B3GNT8: variants seen among roughly 807,000 people sequenced by gnomAD.
B3GNT8 encodes the protein N-acetyllactosaminide beta-1,3-N-acetylglucosaminyltransferase 8.
For missense variants in B3GNT8, 502 were observed against 530.5 expected (o/e 0.95, Z 0.53); for synonymous variants, 258 against 238.3 (o/e 1.08, Z -0.76).
chr19:41,425,990 C>T lies in B3GNT8; in HGVS notation c.789G>A (p.Leu263=), dbSNP rs771625185. The change falls in exon 2 of 2, where the codon CTG becomes CTA. Residue 263 remains leucine (L), a synonymous_variant. Transcript: ENST00000691102. ...AGAGGCTTCGGGCCGAGGCAGGTGG[C>T]AGGGCCCGCAGGTGAGCCAGCAGGG... ...TPALLAHLRA[L]PPASARSLYL... is the part of the protein sequence containing the mutation. The T allele has an allele frequency of 6.2e-7, 1 of 1,611,942 alleles. No homozygotes were observed. Among genetic ancestry groups the T allele is most frequent in the Non-Finnish European group, 8.5e-7 (1 of 1,178,800 alleles).
Position 41,426,942 on chromosome 19 carries a change from T to C in B3GNT8, c.-32-132A>G. 1.4e-6 allele frequency: 1 copy of C among 730,044 alleles called. No homozygotes were observed. The highest frequency in any genetic ancestry group is 2.3e-6 in the Non-Finnish European group (1 of 441,668). 45.2% of individuals were successfully genotyped at this position (730,044 alleles called of 1,614,324 possible). The stretch of plus-strand genomic sequence containing the variant: ...GTCCCCGCCAACCCCCATAACAGAT[T>C]CTCTCGGTCCCAGATCCTAAACAGC... On this transcript the variant is annotated intron_variant, in intron 1 of 1. Coordinates refer to ENST00000691102, the MANE Select transcript of B3GNT8 (RefSeq NM_001385648.2). This position sits in a 1 kb window ranked among gnomAD's most constrained non-coding sequence, Gnocchi z 4.9.
Position 41,425,530 on chromosome 19 carries a change from G to C in B3GNT8, c.*55C>G, listed in dbSNP as rs894079058. On this transcript the variant is annotated 3_prime_UTR_variant, in exon 2 of 2. Coordinates refer to ENST00000691102, the MANE Select transcript of B3GNT8 (RefSeq NM_001385648.2). ...GACCTGGAAGGAGGGGCTGAGCCAG[G>C]GGCCGGCCCCAGAGGCCCAGGCCAG... 16 of 1,372,810 alleles carry C rather than the reference G, an allele frequency of 1.2e-5. No individual in the cohort carries two copies. Among genetic ancestry groups the C allele is most frequent in the Non-Finnish European group, 1.4e-5 (15 of 1,045,308 alleles). The allele number at this position is 1,372,810 out of a possible 1,614,324, so 85.0% of individuals were successfully genotyped here. A position where few individuals can be genotyped will look rare whatever the true frequency, so the allele number is the denominator to read the frequency against.
At position 41,425,570 on chromosome 19, in the gene B3GNT8, C is replaced by G; in HGVS notation, c.*15G>C. 6.7e-7 allele frequency: 1 copy of G among 1,483,690 alleles called. No individual in the cohort carries two copies. The highest frequency in any genetic ancestry group is 9.0e-7 in the Non-Finnish European group (1 of 1,115,478). 91.9% of individuals were successfully genotyped at this position (1,483,690 alleles called of 1,614,324 possible). A position where few individuals can be genotyped will look rare whatever the true frequency, so the allele number is the denominator to read the frequency against. On this transcript the variant is annotated 3_prime_UTR_variant, in exon 2 of 2. Coordinates refer to ENST00000691102, the MANE Select transcript of B3GNT8 (RefSeq NM_001385648.2). ...GCCCAGGCCAGGTCAGCACCTCCGC[C>G]CTCCCCAATGAGAGTCAGCACTGGA... is the stretch of plus-strand genomic sequence containing the variant.
chr19:41,426,906 A>T lies in B3GNT8; in HGVS notation c.-32-96T>A. The T allele has an allele frequency of 1.1e-6, 1 of 927,624 alleles. No individual in the cohort carries two copies. The highest frequency in any genetic ancestry group is 3.2e-4 in the Middle Eastern group (1 of 3,154). 57.5% of individuals were successfully genotyped at this position (927,624 alleles called of 1,614,324 possible). A position where few individuals can be genotyped will look rare whatever the true frequency, so the allele number is the denominator to read the frequency against. ...CCAGGCCCCAGGCAGACAGCTTCAC[A>T]ATCTCCCATAGTCCCCGCCAACCCC... On this transcript the variant is annotated intron_variant, in intron 1 of 1. Coordinates refer to ENST00000691102, the MANE Select transcript of B3GNT8 (RefSeq NM_001385648.2). This position sits in a 1 kb window ranked among gnomAD's most constrained non-coding sequence, Gnocchi z 4.9.
At position 41,425,612 on chromosome 19, in the gene B3GNT8, T is replaced by C. The variant is rs1440176026; in HGVS notation, c.1167A>G (p.Gln389=). The stretch of plus-strand genomic sequence containing the variant: ...AGCACTGGAGCCTTGGGTCTTGCAG[T>C]TGTTTCCAGAGCCGAATGCTGGCCT... The part of the protein sequence containing the change: ...GPQASIRLWK[Q]LQDPRLQC The change falls in exon 2 of 2, where the codon CAA becomes CAG. Residue 389 remains glutamine (Q), a synonymous_variant. Transcript: ENST00000691102. 2.6e-6 allele frequency: 4 copies of C among 1,511,738 alleles called. No homozygotes were observed. Among genetic ancestry groups the C allele is most frequent in the Non-Finnish European group, 3.5e-6 (4 of 1,130,638 alleles). The allele number at this position is 1,511,738 out of a possible 1,614,324, so 93.6% of individuals were successfully genotyped here.
At chr19:41,428,242 G>C (rs1459092712), upstream of B3GNT8, among the ~76,000 whole-genome samples, 1 of 152,002 alleles carries the variant, frequency 6.6e-6, no homozygotes, top group Non-Finnish European at 1.5e-5. This position sits in a 1 kb window ranked among gnomAD's most constrained non-coding sequence, Gnocchi z 6.1. Flanking sequence ...AGAGGGTGAC[G>C]GGGTGGGGCC....
At position 41,425,549 on chromosome 19, in the gene B3GNT8, A is replaced by AGGCCAGGGCCGG. The variant is rs61117695; in HGVS notation, c.*35_*36insCCGGCCCTGGCC. 881,518 of 1,401,448 alleles carry AGGCCAGGGCCGG rather than the reference A, an allele frequency of 0.63. 281,829 individuals carry two copies. The highest frequency in any genetic ancestry group is 0.83 in the African/African-American group (56,159 of 68,068). 86.8% of individuals were successfully genotyped at this position (1,401,448 alleles called of 1,614,324 possible). ...AGCCAGGGGCCGGCCCCAGAGGCCC[A>AGGCCAGGGCCGG]GGCCAGGTCAGCACCTCCGCCCTCC... On this transcript the variant is annotated 3_prime_UTR_variant, in exon 2 of 2. Transcript: ENST00000691102.
At position 41,426,613 on chromosome 19, in the gene B3GNT8, C is replaced by T. The variant is rs2039439701; in HGVS notation, c.166G>A (p.Ala56Thr). 1 of 1,611,694 alleles carries T rather than the reference C, an allele frequency of 6.2e-7. No homozygotes were observed. The change falls in exon 2 of 2, where the codon GCC (alanine) becomes ACC (threonine). Residue 56 changes from alanine (A) to threonine (T), a missense_variant. Physicochemically the swap from Ala to Thr is moderately conservative, Grantham distance 58. Transcript: ENST00000691102. This position sits in a 1 kb window ranked among gnomAD's most constrained non-coding sequence, Gnocchi z 4.9. ...TGGCCCAGGCGGGTGGAGAGGTTGG[C>T]AGGTAGGGTGGGCTCAGGGTTGGCT... ...TPANPEPTLP[A>T]NLSTRLGQTI...
rs146403205 is a variant in B3GNT8, at chr19:41,425,679, C to G, written c.1100G>C (p.Cys367Ser). ...TACCAGCAGCAGGTTGCGGAAAGCA[C>G]AGTGGTCCGCAGTGCGGTCTGCTGG... ...AWPADRTADH[C>S]AFRNLLLVRP... The change falls in exon 2 of 2, where the codon TGT (cysteine) becomes TCT (serine). Residue 367 changes from cysteine to serine, a missense_variant. Cys to Ser is a moderately radical substitution (Grantham distance 112). Coordinates refer to ENST00000691102, the MANE Select transcript of B3GNT8 (RefSeq NM_001385648.2). 32 of 1,539,278 alleles carry G rather than the reference C, an allele frequency of 2.1e-5. No individual in the cohort carries two copies. Among genetic ancestry groups the G allele is most frequent in the Non-Finnish European group, 2.7e-5 (31 of 1,144,820 alleles).
chr19:41,427,733 C>T (rs992597777), upstream of B3GNT8, among the ~76,000 whole-genome samples: 12 of 151,914 alleles, frequency 7.9e-5, no homozygotes, highest in African/African-American at 2.9e-4. This position sits in a 1 kb window ranked among gnomAD's most constrained non-coding sequence, Gnocchi z 5.6. Context: ...CCCACTGAGG[C>T]AGAGATGGGG....
In B3GNT8 at chr19:41,426,541, G is replaced by A; in HGVS notation, c.238C>T (p.Leu80=). ...FAYWNQQQWR[L]GSLPSGDSTE... ...CTGTCCCCACTGGGCAGGGACCCCA[G>A]CCGCCACTGCTGCTGGTTCCAGTAA... The change falls in exon 2 of 2, where the codon CTG becomes TTG. Residue 80 remains leucine (L), a synonymous_variant. Transcript: ENST00000691102. This position sits in a 1 kb window ranked among gnomAD's most constrained non-coding sequence, Gnocchi z 4.9. 1.3e-6 allele frequency: 2 copies of A among 1,591,620 alleles called. No homozygotes were observed. The highest frequency in any genetic ancestry group is 1.7e-4 in the Middle Eastern group (1 of 5,956).
At position 41,425,365 on chromosome 19, in the gene B3GNT8, TG is replaced by T; in HGVS notation, c.*219del. On this transcript the variant is annotated 3_prime_UTR_variant, in exon 2 of 2. Transcript: ENST00000691102. The stretch of plus-strand genomic sequence containing the variant: ...GCAAAAACAACCCCAGGCCTCAGAG[TG>T]GGGAGTGCATGTTTTTCAAAAACAA... 1 of 357,554 alleles carries T rather than the reference TG, an allele frequency of 2.8e-6. No homozygotes were observed. Among genetic ancestry groups the T allele is most frequent in the African/African-American group, 2.1e-5 (1 of 47,384 alleles). The allele number at this position is 357,554 out of a possible 1,614,324, so 22.1% of individuals were successfully genotyped here.
In B3GNT8 at chr19:41,425,560, G is replaced by A; in HGVS notation, c.*25C>T. ...GGCCCCAGAGGCCCAGGCCAGGTCA[G>A]CACCTCCGCCCTCCCCAATGAGAGT... On this transcript the variant is annotated 3_prime_UTR_variant, in exon 2 of 2. Coordinates refer to ENST00000691102, the MANE Select transcript of B3GNT8 (RefSeq NM_001385648.2). The A allele has an allele frequency of 2.0e-6, 3 of 1,470,282 alleles. No individual in the cohort carries two copies. In the South Asian group the frequency reaches 4.6e-5, roughly 23 times the overall value. 91.1% of individuals were successfully genotyped at this position (1,470,282 alleles called of 1,614,324 possible). A position where few individuals can be genotyped will look rare whatever the true frequency, so the allele number is the denominator to read the frequency against.
chr19:41,425,505 G>C lies in B3GNT8; in HGVS notation c.*80C>G. On this transcript the variant is annotated 3_prime_UTR_variant, in exon 2 of 2. Coordinates refer to ENST00000691102, the MANE Select transcript of B3GNT8 (RefSeq NM_001385648.2). ...TCTGGGCCCTCCTCCCTCCCATCAA[G>C]ACCTGGAAGGAGGGGCTGAGCCAGG... 2.5e-6 allele frequency: 3 copies of C among 1,201,748 alleles called. No individual in the cohort carries two copies. Among genetic ancestry groups the C allele is most frequent in the Non-Finnish European group, 3.3e-6 (3 of 902,304 alleles). The allele number at this position is 1,201,748 out of a possible 1,614,324, so 74.4% of individuals were successfully genotyped here. A position where few individuals can be genotyped will look rare whatever the true frequency, so the allele number is the denominator to read the frequency against.
Position 41,426,264 on chromosome 19 carries a change from C to G in B3GNT8, c.515G>C (p.Gly172Ala). ...AERQAVRETW[G>A]SPAPGIRLLF... ...CAGCCGGATCCCTGGAGCTGGACTG[C>G]CCCACGTCTCTCTCACGGCCTGTCG... The change falls in exon 2 of 2, where the codon GGC becomes GCC. Residue 172 changes from glycine to alanine, a missense_variant. By Grantham distance (60) the Gly-to-Ala change is moderately conservative. Transcript: ENST00000691102. This position sits in a 1 kb window ranked among gnomAD's most constrained non-coding sequence, Gnocchi z 4.9. The G allele has an allele frequency of 6.2e-7, 1 of 1,613,390 alleles. No individual in the cohort carries two copies. Among genetic ancestry groups the G allele is most frequent in the Admixed American group, 1.7e-5 (1 of 60,022 alleles).
rs200217203 is a variant in B3GNT8, at chr19:41,426,087, C to T, written c.692G>A (p.Trp231Ter). 6.8e-6 allele frequency: 11 copies of T among 1,613,602 alleles called. No individual in the cohort carries two copies. The Admixed American group carries it at 1.2e-4, about 17-fold the overall frequency. ...QTLKDLLLLAWLGRHCPTVSF... is the reference protein window; with the variant it reads ...QTLKDLLLLA ...CACGGTGGGGCAGTGGCGGCCCAGC[C>T]AGGCCAGCAGCAGCAGGTCTTTGAG... The change falls in exon 2 of 2, where the codon TGG becomes TAG. Residue 231 changes from tryptophan (W) to a stop codon, truncating the protein, a stop_gained. Transcript: ENST00000691102. LOFTEE classifies it low-confidence loss of function (END_TRUNC). This position sits in a 1 kb window ranked among gnomAD's most constrained non-coding sequence, Gnocchi z 4.9.
chr19:41,425,824 A>G lies in B3GNT8; in HGVS notation c.955T>C (p.Trp319Arg). Residue 319 changes from tryptophan to arginine, a missense_variant, in exon 2 of 2, where the codon TGG (tryptophan) becomes CGG (arginine). Trp to Arg is a moderately radical substitution (Grantham distance 101). Coordinates refer to ENST00000691102, the MANE Select transcript of B3GNT8 (RefSeq NM_001385648.2). ...ACACGGGCTGCCGCCCGCAGCAGCCAGGGTGCCAGGCGCCCGGCAATGACG... is the reference window on the plus strand; with the variant it reads ...ACACGGGCTGCCGCCCGCAGCAGCCGGGGTGCCAGGCGCCCGGCAATGACG... Reference protein sequence around the residue: ...GYVIAGRLAPWLLRAAARVAP... With the variant: ...GYVIAGRLAPRLLRAAARVAP... 1 of 1,612,988 alleles carries G rather than the reference A, an allele frequency of 6.2e-7. No individual in the cohort carries two copies. The highest frequency in any genetic ancestry group is 1.1e-5 in the South Asian group (1 of 91,086).
chr19:41,428,057 G>A (rs924932315), upstream of B3GNT8, among the ~76,000 whole-genome samples: 1 of 151,846 alleles, frequency 6.6e-6, no homozygotes, highest in Non-Finnish European at 1.5e-5. This position sits in a 1 kb window ranked among gnomAD's most constrained non-coding sequence, Gnocchi z 6.1. Context: ...GAGATGGCGA[G>A]AAAGATAAGG....
In B3GNT8 at chr19:41,425,408, G is replaced by C; in HGVS notation, c.*177C>G. Reference sequence around the variant, plus strand: ...CAAAAACAAAAAGTAGGCAAAAACAGTCCACCACCCCATCTTTCCTGCCCA... The same window carrying C: ...CAAAAACAAAAAGTAGGCAAAAACACTCCACCACCCCATCTTTCCTGCCCA... On this transcript the variant is annotated 3_prime_UTR_variant, in exon 2 of 2. Transcript: ENST00000691102. 1 of 456,008 alleles carries C rather than the reference G, an allele frequency of 2.2e-6. No homozygotes were observed. The highest frequency in any genetic ancestry group is 3.8e-6 in the Non-Finnish European group (1 of 264,784). 28.2% of individuals were successfully genotyped at this position (456,008 alleles called of 1,614,324 possible).
Sources: allele counts gnomAD v4.1 joint callset (sites outside exome capture counted in the v4.1 genomes callset), GRCh38; gene constraint gnomAD v4.1.1; non-coding constraint Gnocchi (gnomAD v3.1); transcripts MANE v1.5; gene names NCBI Gene and HGNC (gene_info 2026-07-23, HGNC 2026-07-21).